INPP4B: variants seen among roughly 807,000 people sequenced by gnomAD.
The protein encoded by INPP4B is inositol polyphosphate-4-phosphatase type II B.
In INPP4B, 55 loss-of-function variants were observed where a neutral mutation model predicts 122.5. That is an observed-to-expected ratio of 0.45 (90% CI 0.36 to 0.56). The LOEUF is 0.56. Ranked by LOEUF, INPP4B falls within the 20% of genes least tolerant of loss-of-function variation. INPP4B has a pLI of 0.00. For missense variants in INPP4B, 1,000 were observed against 1,097.7 expected (o/e 0.91, Z 1.26); for synonymous variants, 403 against 388.7 (o/e 1.04, Z -0.43).
At position 142,481,534 on chromosome 4, in the gene INPP4B, A is replaced by G. The variant is rs145081216; in HGVS notation, c.-190-18808T>C. ...TTATTTTAGCTTTATCTTTGGATATAATTTCTCCTTTGTTAGAGATTTTAT... is the reference window on the plus strand; with the variant it reads ...TTATTTTAGCTTTATCTTTGGATATGATTTCTCCTTTGTTAGAGATTTTAT... On this transcript the variant is annotated intron_variant, in intron 2 of 25. Transcript: ENST00000262992. 7.2e-5 allele frequency among the ~76,000 whole-genome samples: 11 copies of G among 152,236 alleles called. No individual in the cohort carries two copies. The East Asian group carries it at 1.9e-3, about 27-fold the overall frequency.
chr4:142,057,703 G>A (rs1456455852), intron 25 of INPP4B, among the ~76,000 whole-genome samples: 1 of 152,028 alleles, frequency 6.6e-6, no homozygotes, highest in African/African-American at 2.4e-5. Context: ...AACTATTCAT[G>A]CTAAAATTAT....
intron 7 of INPP4B, among the ~76,000 whole-genome samples, chr4:142,343,669 T>G (rs937377652): frequency 9.9e-5 from 15 of 152,098 alleles, no homozygotes; most frequent in Non-Finnish European, 1.8e-4. Flanking sequence ...TTACTTTTAT[T>G]TACCTTCTGA....
At chr4:142,705,458 A>AAC (rs56300337) in intron 2 of INPP4B, among the ~76,000 whole-genome samples, 1,558 of 146,236 alleles carry the variant, frequency 0.011, 16 homozygotes, top group African/African-American at 0.03. Context: ...TCCCACCCCA[A>AAC]ACACACACAC....
chr4:142,480,188 T>C (rs1050216524), intron 2 of INPP4B, among the ~76,000 whole-genome samples: 2 of 152,244 alleles, frequency 1.3e-5, no homozygotes, highest in East Asian at 1.9e-4. Context: ...TTTCTCCTAA[T>C]TGAGTTGTTC....
intron 1 of INPP4B, among the ~76,000 whole-genome samples, chr4:142,735,801 C>A (rs1766777382): frequency 6.6e-6 from 1 of 151,942 alleles, no homozygotes. Flanking sequence ...CTTTGTATGT[C>A]TTTGCTATTT....
intron 7 of INPP4B, among the ~76,000 whole-genome samples, chr4:142,371,256 C>T (rs1227653425): frequency 6.6e-6 from 1 of 152,060 alleles, no homozygotes; most frequent in Non-Finnish European, 1.5e-5. Flanking sequence ...AATCTCTCAC[C>T]ATATACATAA....
chr4:142,205,476 C>T (rs905032528), intron 14 of INPP4B, among the ~76,000 whole-genome samples: 19 of 152,076 alleles, frequency 1.2e-4, no homozygotes, highest in African/African-American at 3.9e-4. Context: ...TTCAAGACTT[C>T]GTTGATTTTT....
intron 1 of INPP4B, chr4:142,795,405 T>C (rs1233167011): frequency 6.6e-6 from 1 of 152,012 alleles, no homozygotes; most frequent in Non-Finnish European, 1.5e-5. Flanking sequence ...GGTGGGTGTG[T>C]CAGAAACTGC....
chr4:142,681,324 A>G (rs1381514586), intron 2 of INPP4B, among the ~76,000 whole-genome samples: 1 of 151,770 alleles, frequency 6.6e-6, no homozygotes, highest in Non-Finnish European at 1.5e-5. Context: ...GCCTATGATC[A>G]CATAGTGAAG....
chr4:142,116,101 C>A (rs573758470), intron 21 of INPP4B, among the ~76,000 whole-genome samples: 13 of 152,076 alleles, frequency 8.5e-5, no homozygotes, highest in South Asian at 4.2e-4. Context: ...CAATTCAACA[C>A]GAAGAGCTAA....
At chr4:142,419,375 A>C (rs1806399465) in intron 5 of INPP4B, among the ~76,000 whole-genome samples, 1 of 152,168 alleles carries the variant, frequency 6.6e-6, no homozygotes, top group Non-Finnish European at 1.5e-5. Context: ...AGTAATTTGC[A>C]CTGGGATAAA....
chr4:142,606,550 A>C (rs1235711374), intron 2 of INPP4B, among the ~76,000 whole-genome samples: 1 of 151,952 alleles, frequency 6.6e-6, no homozygotes, highest in Non-Finnish European at 1.5e-5. Flanking sequence ...TATCAATAAA[A>C]GGGTAAAAAA....
intron 1 of INPP4B, among the ~76,000 whole-genome samples, chr4:142,803,183 A>AAAAG (rs1255828470): frequency 1.2e-4 from 17 of 147,238 alleles, no homozygotes; most frequent in East Asian, 3.9e-4. Flanking sequence ...AAAAAAAAAA[A>AAAAG]AAAGAAAGAA....
At chr4:142,708,459 G>C (rs1040772168) in intron 2 of INPP4B, among the ~76,000 whole-genome samples, 3 of 152,200 alleles carry the variant, frequency 2.0e-5, no homozygotes, top group East Asian at 1.9e-4. Flanking sequence ...GAATGGTTCT[G>C]TGAGCTGGGC....
rs190708933 is a variant in INPP4B at position 142,739,940 on chromosome 4, C to T, written c.-253-14039G>A. ...GAAAAGAGACATGAAGAACAATTTT[C>T]CCATTTTCATAACATTTCTGATTTA... On this transcript the variant is annotated intron_variant, in intron 1 of 25. Coordinates refer to ENST00000262992, the MANE Select transcript of INPP4B (RefSeq NM_001101669.3). Among the ~76,000 whole-genome samples, 53 of 152,080 alleles carry T rather than the reference C, an allele frequency of 3.5e-4. No homozygotes were observed. In the East Asian group the frequency reaches 9.6e-3, roughly 28 times the overall value.
intron 2 of INPP4B, among the ~76,000 whole-genome samples, chr4:142,540,328 T>C (rs567645971): frequency 4.0e-5 from 6 of 150,374 alleles, no homozygotes; most frequent in African/African-American, 1.5e-4. Flanking sequence ...GGAAGTTTTT[T>C]GGGGTTTTTT....
intron 3 of INPP4B, among the ~76,000 whole-genome samples, chr4:142,449,145 G>A (rs1813583922): frequency 6.6e-6 from 1 of 152,124 alleles, no homozygotes; most frequent in African/African-American, 2.4e-5. Context: ...CAGGGCTCCA[G>A]TATGACAAAA....
chr4:142,279,187 T>C (rs895969890), intron 9 of INPP4B, among the ~76,000 whole-genome samples: 7 of 151,980 alleles, frequency 4.6e-5, no homozygotes, highest in Non-Finnish European at 4.4e-5. Context: ...TATACTATGA[T>C]AATGGATTGG....
At chr4:142,247,348 G>A (rs950933383) in intron 11 of INPP4B, among the ~76,000 whole-genome samples, 1 of 152,076 alleles carries the variant, frequency 6.6e-6, no homozygotes, top group Non-Finnish European at 1.5e-5. Context: ...CTATTGTTTG[G>A]AATCGTTTCA....
Sources: gnomAD v4.1 joint callset for allele counts (sites outside exome capture counted in the v4.1 genomes callset) on GRCh38, gnomAD v4.1.1 for gene constraint, MANE v1.5 for transcripts, NCBI Gene and HGNC (gene_info 2026-07-23, HGNC 2026-07-21) for gene names.